Variants in WDR4 observed in about 807,000 individuals in gnomAD.
The protein encoded by WDR4 is WDR4 tRNA N7-guanosine methyltransferase non-catalytic subunit.
Under a neutral mutation model 48.6 loss-of-function variants are expected in WDR4, and 47 were observed. That is an observed-to-expected ratio of 0.97 (90% CI 0.77 to 1.23). WDR4 has a LOEUF of 1.23. Ranked by LOEUF, WDR4 falls within the 50% of genes most tolerant of loss-of-function variation. WDR4 has a pLI of 0.00. For missense variants in WDR4, 606 were observed against 551.6 expected (o/e 1.10, Z -0.99); for synonymous variants, 268 against 230.0 (o/e 1.17, Z -1.49).
intron 3 of WDR4, among the ~76,000 whole-genome samples, chr21:42,865,516 G>A (rs2058227146): frequency 6.6e-6 from 1 of 152,118 alleles, no homozygotes; most frequent in African/African-American, 2.4e-5. Flanking sequence ...CTCAGCAGAG[G>A]GCACTGCTCC....
At chr21:42,869,283 C>A (rs982697664) in intron 3 of WDR4, among the ~76,000 whole-genome samples, 2 of 152,200 alleles carry the variant, frequency 1.3e-5, no homozygotes, top group Admixed American at 1.3e-4. Context: ...GGGAAGCAGA[C>A]AAGTGAGAAT....
At position 42,873,699 on chromosome 21, in the gene WDR4, A is replaced by ATC; in HGVS notation, c.156-9_156-8insGA. 6.2e-7 allele frequency: 1 copy of ATC among 1,612,254 alleles called. No individual in the cohort carries two copies. Among genetic ancestry groups the ATC allele is most frequent in the Non-Finnish European group, 8.5e-7 (1 of 1,178,928 alleles). ...TCCAAGGGCGCGTCCTCCCTGAGGAAGAGAGGAGGAAGACGGTTAAGCTTC... is the reference window on the plus strand; with the variant it reads ...TCCAAGGGCGCGTCCTCCCTGAGGAATCGAGAGGAGGAAGACGGTTAAGCTTC... On this transcript the variant is annotated splice_polypyrimidine_tract_variant and intron_variant, in intron 2 of 10. Coordinates refer to ENST00000398208, the MANE Select transcript of WDR4 (RefSeq NM_018669.6).
At chr21:42,871,956 G>A (rs776839367) in intron 3 of WDR4, among the ~76,000 whole-genome samples, 25 of 151,746 alleles carry the variant, frequency 1.6e-4, no homozygotes, top group Admixed American at 3.3e-4. Flanking sequence ...GACAGAGCAG[G>A]CATTCATTGC....
chr21:42,868,769 C>T (rs138706321), intron 3 of WDR4, among the ~76,000 whole-genome samples: 1 of 152,346 alleles, frequency 6.6e-6, no homozygotes, highest in African/African-American at 2.4e-5. Context: ...GTGATCAACC[C>T]CAAGGAAACC....
At chr21:42,878,041 C>CAA (rs60952239) in intron 1 of WDR4, among the ~76,000 whole-genome samples, 1,851 of 114,618 alleles carry the variant, frequency 0.016, 50 homozygotes, top group African/African-American at 0.049. Flanking sequence ...CGAGACTCCT[C>CAA]AAAAAAAAAA....
chr21:42,852,219 G>A lies in WDR4; in HGVS notation c.1045+36C>T, dbSNP rs2057849481. On this transcript the variant is annotated intron_variant, in intron 10 of 10. Coordinates refer to ENST00000398208, the MANE Select transcript of WDR4 (RefSeq NM_018669.6). Reference sequence around the variant, plus strand: ...GCTTTCTCTGGGGACCGCGCTGGGTGTGACCCCCAAGGGCAGCCTGCACCC... The same window carrying A: ...GCTTTCTCTGGGGACCGCGCTGGGTATGACCCCCAAGGGCAGCCTGCACCC... The A allele has an allele frequency of 2.5e-6, 4 of 1,611,922 alleles. No individual in the cohort carries two copies. In the South Asian group the frequency reaches 4.4e-5, roughly 18 times the overall value.
the WDR4 span, among the ~76,000 whole-genome samples, chr21:42,885,607 CA>C: frequency 6.7e-6 from 1 of 150,334 alleles, no homozygotes; most frequent in African/African-American, 2.5e-5. Context: ...AAAACTCCAT[CA>C]AAAAAAAATA....
At chr21:42,844,711 C>T (rs1157863532), downstream of WDR4, among the ~76,000 whole-genome samples, 2 of 152,188 alleles carry the variant, frequency 1.3e-5, no homozygotes, top group Non-Finnish European at 2.9e-5. Context: ...CGAGACTCAC[C>T]CAGAAGCTCT....
chr21:42,865,785 C>T (rs2058232460), intron 3 of WDR4, among the ~76,000 whole-genome samples: 2 of 152,116 alleles, frequency 1.3e-5, no homozygotes, highest in Admixed American at 6.5e-5. Flanking sequence ...TCCACAGTCA[C>T]TGGGTTCAGG....
At chr21:42,892,574 A>G in the WDR4 span, among the ~76,000 whole-genome samples, 1 of 152,034 alleles carries the variant, frequency 6.6e-6, no homozygotes, top group African/African-American at 2.4e-5. Flanking sequence ...TGGCACGTCC[A>G]TCTCCGATGA....
At chr21:42,849,023 G>A (rs1474356651), downstream of WDR4, among the ~76,000 whole-genome samples, 8 of 134,922 alleles carry the variant, frequency 5.9e-5, no homozygotes, top group South Asian at 4.9e-4. Context: ...ATCACACCGC[G>A]CACCTCACAC....
chr21:42,884,574 G>A, the WDR4 span, among the ~76,000 whole-genome samples: 1 of 151,686 alleles, frequency 6.6e-6, no homozygotes, highest in Admixed American at 6.6e-5. Flanking sequence ...TTGAACCCGG[G>A]AGGCAGAGGT....
chr21:42,881,109 T>G (rs1200597243), upstream of WDR4, among the ~76,000 whole-genome samples: 1 of 152,188 alleles, frequency 6.6e-6, no homozygotes, highest in Non-Finnish European at 1.5e-5. Flanking sequence ...GGTTTCACCA[T>G]GTTAGCCAGG....
At chr21:42,859,528 C>T in intron 6 of WDR4, 134 bp downstream of exon 6, 1 of 983,866 alleles carries the variant, frequency 1.0e-6, no homozygotes, top group African/African-American at 1.6e-5. Context: ...CCGCAGGCAG[C>T]TCTAAGATCT....
At chr21:42,859,558 C>CCAGGGGACAGCGATCCA in intron 6 of WDR4, 104 bp downstream of exon 6, 1 of 820,430 alleles carries the variant, frequency 1.2e-6, no homozygotes, top group South Asian at 1.5e-5. Context: ...CCACAGCCAG[C>CCAGGGGACAGCGATCCA]CAGGGGCCAG....
downstream of WDR4, among the ~76,000 whole-genome samples, chr21:42,847,037 CAAAA>C (rs10709007): frequency 1.3e-5 from 2 of 148,840 alleles, no homozygotes; most frequent in African/African-American, 5.0e-5. Flanking sequence ...GACTCTGTCT[CAAAA>C]AAAAAAACCA....
intron 10 of WDR4, among the ~76,000 whole-genome samples, chr21:42,851,877 G>A (rs186819154): frequency 6.6e-6 from 1 of 152,208 alleles, no homozygotes; most frequent in African/African-American, 2.4e-5. Context: ...ACTTACTGAC[G>A]CCCACTGCAG....
At position 42,876,746 on chromosome 21, in the gene WDR4, G is replaced by C. The variant is rs747651261; in HGVS notation, c.111C>G (p.Ile37Met). The C allele has an allele frequency of 3.7e-6, 6 of 1,613,252 alleles. No homozygotes were observed. The highest frequency in any genetic ancestry group is 3.3e-5 in the Admixed American group (2 of 59,916). Reference sequence around the variant, plus strand: ...TCTTTTCTGCAGCACTGCAGTCATAGATGAAGAGGCTGTCATCATCACTAA... The same window carrying C: ...TCTTTTCTGCAGCACTGCAGTCATACATGAAGAGGCTGTCATCATCACTAA... ...IASSDDDSLF[I>M]YDCSAAEKKS... is the part of the protein sequence containing the mutation. Residue 37 changes from isoleucine (I) to methionine (M), a missense_variant, in exon 2 of 11, where the codon ATC becomes ATG. By Grantham distance (10) the Ile-to-Met change is conservative. Transcript: ENST00000398208.
chr21:42,864,061 C>G lies in WDR4; in HGVS notation c.297-465G>C, dbSNP rs185770300. Among the ~76,000 whole-genome samples the G allele has an allele frequency of 6.4e-5, 5 of 78,634 alleles. 1 individual carries two copies. The highest frequency in any genetic ancestry group is 9.6e-5 in the Non-Finnish European group (4 of 41,854). The allele number at this position is 78,634 out of a possible 152,430, so 51.6% of individuals were successfully genotyped here. ...GGCGGAGCTTGCAGTGAGCCGAGAT[C>G]CCGCCACCGCACTCCAGCCTGGGGC... On this transcript the variant is annotated intron_variant, in intron 3 of 10. Transcript: ENST00000398208.
Sources: gnomAD v4.1 joint callset for allele counts (sites outside exome capture counted in the v4.1 genomes callset) on GRCh38, gnomAD v4.1.1 for gene constraint, MANE v1.5 for transcripts, NCBI Gene and HGNC (gene_info 2026-07-23, HGNC 2026-07-21) for gene names.